NWD2: variants seen among roughly 807,000 people sequenced by gnomAD.
The protein encoded by NWD2 is NACHT and WD repeat domain containing 2, also known as NACHT and WD repeat domain-containing protein 2.
NWD2 carries 37 observed loss-of-function variants against 132.7 expected under a neutral mutation model. The observed-to-expected ratio is 0.28, with a 90% CI of 0.21 to 0.37. The LOEUF (loss-of-function observed/expected upper bound fraction) is 0.37, where lower values mean the gene tolerates loss of function less well. NWD2 is among the 10% of genes least tolerant of loss of function. The pLI, the probability that NWD2 is intolerant of heterozygous loss-of-function variation, is 1.00. For synonymous variants in NWD2, 705 were observed against 803.0 expected (o/e 0.88, Z 2.06); for missense variants, 1,592 against 2,122.4 (o/e 0.75, Z 4.91).
intron 3 of NWD2, among the ~76,000 whole-genome samples, chr4:37,368,170 A>T (rs1720138199): frequency 1.3e-5 from 2 of 152,120 alleles, no homozygotes; most frequent in South Asian, 4.2e-4. Flanking sequence ...TTCAGCCAAA[A>T]CTTGGACTTT....
intron 1 of NWD2, 64 bp downstream of exon 1, chr4:37,245,282 AGT>A (rs1297977030): frequency 5.5e-6 from 8 of 1,465,882 alleles, no homozygotes; most frequent in Non-Finnish European, 7.2e-6. Flanking sequence ...GGAGCTGGAG[AGT>A]GTGTGTCCGC....
intron 2 of NWD2, among the ~76,000 whole-genome samples, chr4:37,330,444 AAGAC>A (rs1719269078): frequency 1.3e-5 from 2 of 152,202 alleles, no homozygotes. Context: ...GAAAAAAGTA[AAGAC>A]AGACTGGGGA....
At chr4:37,371,601 G>C (rs1479762) in intron 3 of NWD2, among the ~76,000 whole-genome samples, 21,529 of 152,182 alleles carry the variant, frequency 0.14, 1,845 homozygotes, top group South Asian at 0.22. Context: ...AGGCTTCCTT[G>C]TTCTTACTTC....
At chr4:37,314,899 A>T (rs1718928479) in intron 1 of NWD2, among the ~76,000 whole-genome samples, 1 of 152,216 alleles carries the variant, frequency 6.6e-6, no homozygotes, top group South Asian at 2.1e-4. Context: ...GTTCAAAGAT[A>T]TAAATTTCAT....
chr4:37,402,685 A>G (rs992857278), intron 3 of NWD2, among the ~76,000 whole-genome samples: 2 of 152,180 alleles, frequency 1.3e-5, no homozygotes, highest in Admixed American at 6.5e-5. Flanking sequence ...CTGGGATTAG[A>G]AATGCTAATA....
intron 2 of NWD2, among the ~76,000 whole-genome samples, chr4:37,351,818 G>T (rs1251626248): frequency 7.2e-5 from 11 of 152,126 alleles, no homozygotes; most frequent in Non-Finnish European, 1.5e-5. Context: ...GCATTTTAGT[G>T]CTATAAATTT....
intron 1 of NWD2, among the ~76,000 whole-genome samples, chr4:37,249,522 A>G (rs1023216222): frequency 6.6e-6 from 1 of 152,134 alleles, no homozygotes; most frequent in African/African-American, 2.4e-5. Flanking sequence ...GGAGGAGTGG[A>G]GGAGAATGGC....
At chr4:37,273,212 T>G (rs578237479) in intron 1 of NWD2, among the ~76,000 whole-genome samples, 69 of 151,960 alleles carry the variant, frequency 4.5e-4, no homozygotes, top group Non-Finnish European at 7.7e-4. Flanking sequence ...GCATTTTCAT[T>G]ATGTCATTCC....
intron 1 of NWD2, among the ~76,000 whole-genome samples, chr4:37,295,543 G>T (rs772894666): frequency 6.6e-6 from 1 of 152,144 alleles, no homozygotes; most frequent in South Asian, 2.1e-4. Flanking sequence ...CCTTGATTCT[G>T]TCTGTCTTCC....
At chr4:37,336,551 G>C (rs1222786702) in intron 2 of NWD2, among the ~76,000 whole-genome samples, 2 of 152,190 alleles carry the variant, frequency 1.3e-5, no homozygotes, top group Non-Finnish European at 2.9e-5. Flanking sequence ...TGAGAGCCAT[G>C]GGGGCCTTAA....
At chr4:37,324,944 TGTG>T (rs1719140448) in intron 1 of NWD2, among the ~76,000 whole-genome samples, 1 of 152,200 alleles carries the variant, frequency 6.6e-6, no homozygotes, top group Admixed American at 6.6e-5. Context: ...TTGTTATAAA[TGTG>T]GTATGCAGAT....
chr4:37,338,460 T>A (rs532214463), intron 2 of NWD2, among the ~76,000 whole-genome samples: 1 of 152,342 alleles, frequency 6.6e-6, no homozygotes, highest in Non-Finnish European at 1.5e-5. Context: ...TAAAGTTCCT[T>A]GAAAACTAAA....
chr4:37,422,305 A>G (rs938144634), intron 3 of NWD2, among the ~76,000 whole-genome samples: 3 of 152,226 alleles, frequency 2.0e-5, no homozygotes, highest in Non-Finnish European at 4.4e-5. Context: ...CCTGTTCTCT[A>G]TAAAGGTGAC....
At chr4:37,359,173 TG>T (rs138025160) in intron 3 of NWD2, among the ~76,000 whole-genome samples, 7 of 152,288 alleles carry the variant, frequency 4.6e-5, no homozygotes, top group African/African-American at 1.7e-4. Flanking sequence ...ATAAAGACTT[TG>T]CAAGTTTATG....
intron 3 of NWD2, among the ~76,000 whole-genome samples, chr4:37,429,692 A>G (rs1186942245): frequency 1.3e-5 from 2 of 152,232 alleles, no homozygotes; most frequent in African/African-American, 4.8e-5. Flanking sequence ...TTTCTAAGTC[A>G]ATATAGTTGT....
chr4:37,415,685 C>G (rs887262236), intron 3 of NWD2, among the ~76,000 whole-genome samples: 1 of 128,200 alleles, frequency 7.8e-6, no homozygotes, highest in African/African-American at 3.1e-5. Flanking sequence ...GCCTGGGCAA[C>G]AGTGCAAGAC....
intron 2 of NWD2, among the ~76,000 whole-genome samples, chr4:37,343,303 A>C (rs1253921551): frequency 1.3e-5 from 2 of 152,214 alleles, no homozygotes; most frequent in Admixed American, 1.3e-4. Flanking sequence ...TCCTTAGTAC[A>C]ACAATCTTCT....
chr4:37,388,723 CAT>C (rs1382521904), intron 3 of NWD2, among the ~76,000 whole-genome samples: 4 of 115,476 alleles, frequency 3.5e-5, no homozygotes, highest in African/African-American at 1.6e-4. Context: ...ATATATATAT[CAT>C]ATATATATCA....
intron 1 of NWD2, among the ~76,000 whole-genome samples, chr4:37,249,618 C>T (rs1303639060): frequency 1.3e-5 from 2 of 152,140 alleles, no homozygotes; most frequent in Non-Finnish European, 2.9e-5. Flanking sequence ...ATACTTCTCC[C>T]CTAAGGAGTA....
Sources: allele counts gnomAD v4.1 joint callset (sites outside exome capture counted in the v4.1 genomes callset), GRCh38; gene constraint gnomAD v4.1.1; transcripts MANE v1.5; gene names NCBI Gene and HGNC (gene_info 2026-07-23, HGNC 2026-07-21).